The following PTPRN2 variants were observed in gnomAD, a reference collection of about 807,000 sequenced individuals.
The protein encoded by PTPRN2 is receptor-type tyrosine-protein phosphatase N2.
A neutral mutation model predicts 118.8 loss-of-function variants in PTPRN2; 74 were observed. That is an observed-to-expected ratio of 0.62 (90% CI 0.52 to 0.76). The LOEUF (loss-of-function observed/expected upper bound fraction) is 0.76, where lower values mean the gene tolerates loss of function less well. Among genes scored for constraint, PTPRN2 ranks in the 30% least tolerant of loss-of-function variants. PTPRN2 has a pLI of 0.00. For missense variants in PTPRN2, 1,481 were observed against 1,394.4 expected, an observed-to-expected ratio of 1.06 and a Z score of -0.99; for synonymous variants, 641 against 608.0, an observed-to-expected ratio of 1.05 and a Z score of -0.80.
intron 3 of PTPRN2, among the ~76,000 whole-genome samples, chr7:158,281,852 T>A (rs923832135): frequency 2.6e-5 from 4 of 152,204 alleles, no homozygotes; most frequent in Admixed American, 1.3e-4. Context: ...TCTTTTGAGG[T>A]GTGAACAGTC....
intron 2 of PTPRN2, among the ~76,000 whole-genome samples, chr7:158,410,786 AGAG>A (rs1813989982): frequency 1.4e-5 from 2 of 143,420 alleles, no homozygotes; most frequent in Admixed American, 7.2e-5. Context: ...CCCTGTAGGG[AGAG>A]GAGAAGACAC....
At chr7:158,412,164 A>G (rs1228945998) in intron 2 of PTPRN2, among the ~76,000 whole-genome samples, 10 of 90,940 alleles carry the variant, frequency 1.1e-4, no homozygotes, top group South Asian at 4.3e-4. Context: ...CCCATCCAGC[A>G]CCCTCCTCAA....
intron 3 of PTPRN2, among the ~76,000 whole-genome samples, chr7:158,284,316 G>T (rs1162425176): frequency 6.6e-6 from 1 of 152,032 alleles, no homozygotes; most frequent in Non-Finnish European, 1.5e-5. Flanking sequence ...ACTGTTGTGG[G>T]CTGGGCACTC....
chr7:157,630,754 C>A (rs917476017), intron 14 of PTPRN2, among the ~76,000 whole-genome samples: 5 of 152,128 alleles, frequency 3.3e-5, no homozygotes, highest in Admixed American at 1.3e-4. Flanking sequence ...CGTACAAAGC[C>A]AAAAAGAAGT....
At chr7:157,608,124 G>A (rs1221370332) in intron 15 of PTPRN2, among the ~76,000 whole-genome samples, 1 of 152,152 alleles carries the variant, frequency 6.6e-6, no homozygotes, top group Non-Finnish European at 1.5e-5. Flanking sequence ...CTCAAGTGCA[G>A]TGGCACAATA....
At chr7:158,131,090 C>T (rs940273360) in intron 9 of PTPRN2, among the ~76,000 whole-genome samples, 42 of 151,516 alleles carry the variant, frequency 2.8e-4, no homozygotes, top group Middle Eastern at 3.4e-3. Context: ...CACACACGCA[C>T]ATACACAGAT....
Position 157,734,222 on chromosome 7 carries a change from A to ACC in PTPRN2, c.1789-51286_1789-51285insGG, listed in dbSNP as rs1282008081. 2.6e-4 allele frequency among the ~76,000 whole-genome samples: 35 copies of ACC among 134,650 alleles called. 3 individuals carry two copies. The highest frequency in any genetic ancestry group is 4.5e-4 in the Admixed American group (6 of 13,204). 88.3% of individuals were successfully genotyped at this position (134,650 alleles called of 152,430 possible). A position where few individuals can be genotyped will look rare whatever the true frequency, so the allele number is the denominator to read the frequency against. Reference sequence around the variant, plus strand: ...TCCGTCCCATGCGCCCAGCACAGTTACTCTTCCACCCCATGCTCCCAGCAC... The same window carrying ACC: ...TCCGTCCCATGCGCCCAGCACAGTTACCCTCTTCCACCCCATGCTCCCAGCAC... On this transcript the variant is annotated intron_variant, in intron 12 of 22. Coordinates refer to ENST00000389418, the MANE Select transcript of PTPRN2 (RefSeq NM_002847.5).
At chr7:157,634,662 C>T (rs1041462952) in intron 14 of PTPRN2, among the ~76,000 whole-genome samples, 1 of 152,132 alleles carries the variant, frequency 6.6e-6, no homozygotes, top group African/African-American at 2.4e-5. Flanking sequence ...ACGACCTCTT[C>T]CAGACCCCCC....
intron 3 of PTPRN2, among the ~76,000 whole-genome samples, chr7:158,300,397 C>T (rs935787226): frequency 4.6e-5 from 7 of 152,046 alleles, no homozygotes; most frequent in African/African-American, 1.7e-4. Context: ...CGCCAGGGGC[C>T]TGTGTGCAGA....
chr7:157,792,049 C>A (rs1804539109), intron 12 of PTPRN2, among the ~76,000 whole-genome samples: 1 of 152,262 alleles, frequency 6.6e-6, no homozygotes, highest in African/African-American at 2.4e-5. Context: ...CTCTGGGGGT[C>A]ACACTGCCAG....
At chr7:157,586,277 T>C (rs1042747119) in intron 17 of PTPRN2, among the ~76,000 whole-genome samples, 1 of 152,336 alleles carries the variant, frequency 6.6e-6, no homozygotes, top group Non-Finnish European at 1.5e-5. Context: ...AACCCATCTG[T>C]GACGTAGCAG....
chr7:158,440,055 C>G (rs1265229166), intron 2 of PTPRN2, among the ~76,000 whole-genome samples: 1 of 152,204 alleles, frequency 6.6e-6, no homozygotes, highest in East Asian at 1.9e-4. Context: ...CTTACTGGGT[C>G]CTGACAACCT....
intron 11 of PTPRN2, among the ~76,000 whole-genome samples, chr7:158,068,381 G>C (rs1168084627): frequency 6.6e-6 from 1 of 152,238 alleles, no homozygotes; most frequent in African/African-American, 2.4e-5. Flanking sequence ...AGGACCATTA[G>C]GGACCCAGTG....
chr7:158,314,550 C>T (rs1802130949), intron 3 of PTPRN2, among the ~76,000 whole-genome samples: 1 of 152,296 alleles, frequency 6.6e-6, no homozygotes, highest in Non-Finnish European at 1.5e-5. Context: ...GACAGTGGCA[C>T]ATATGGAGCA....
intron 3 of PTPRN2, among the ~76,000 whole-genome samples, chr7:158,315,090 C>G (rs1280452876): frequency 2.1e-5 from 1 of 48,294 alleles, no homozygotes; most frequent in African/African-American, 9.9e-5. Context: ...AACCCGGGAC[C>G]CCCTAAAGGA....
chr7:158,137,494 T>C (rs1004924241), intron 7 of PTPRN2, among the ~76,000 whole-genome samples: 1 of 152,190 alleles, frequency 6.6e-6, no homozygotes, highest in African/African-American at 2.4e-5. Context: ...TCATGGCACC[T>C]GAACAGTGCC....
intron 2 of PTPRN2, among the ~76,000 whole-genome samples, chr7:158,356,582 G>A (rs1034481185): frequency 3.3e-5 from 5 of 152,060 alleles, no homozygotes; most frequent in Non-Finnish European, 7.4e-5. Context: ...TTCCCACCCG[G>A]CAGATAAGAA....
chr7:158,489,768 CCT>C lies in PTPRN2; in HGVS notation c.128_129del (p.Glu43GlyfsTer56). ...LPGRLGCLLE[E>X]GLCGASEACV... Reference sequence around the variant, plus strand: ...CAGGCCTCGGACGCTCCGCAGAGGCCCTCCTCGAGCAGGCAGCCTGCGGGGAA... The same window carrying C: ...CAGGCCTCGGACGCTCCGCAGAGGCCCCTCGAGCAGGCAGCCTGCGGGGAA... On this transcript the variant is annotated frameshift_variant, in exon 2 of 23. Transcript: ENST00000389418. LOFTEE classifies it high-confidence loss of function. 6.3e-7 allele frequency: 1 copy of C among 1,581,364 alleles called. No homozygotes were observed. Among genetic ancestry groups the C allele is most frequent in the East Asian group, 2.3e-5 (1 of 43,140 alleles).
chr7:157,910,962 TA>T (rs1271356561), intron 11 of PTPRN2, among the ~76,000 whole-genome samples: 1 of 152,244 alleles, frequency 6.6e-6, no homozygotes, highest in Non-Finnish European at 1.5e-5. Flanking sequence ...AATTATTTAC[TA>T]AAACCAGAGA....
Sources: gnomAD v4.1 joint callset for allele counts (sites outside exome capture counted in the v4.1 genomes callset) on GRCh38, gnomAD v4.1.1 for gene constraint, MANE v1.5 for transcripts, NCBI Gene and HGNC (gene_info 2026-07-23, HGNC 2026-07-21) for gene names.